NUP210L: variants seen among roughly 807,000 people sequenced by gnomAD.
The protein encoded by NUP210L is nuclear pore membrane glycoprotein 210-like.
In NUP210L, 74 loss-of-function variants were observed where a neutral mutation model predicts 208.5. That is an observed-to-expected ratio of 0.35 (90% CI 0.29 to 0.43). The LOEUF (loss-of-function observed/expected upper bound fraction) is 0.43. Among genes scored for constraint, NUP210L ranks in the 20% least tolerant of loss-of-function variants. The pLI is 1.00. For synonymous variants in NUP210L, 780 were observed against 816.9 expected (o/e 0.95, Z 0.77); for missense variants, 1,843 against 2,289.4 (o/e 0.81, Z 3.98).
intron 16 of NUP210L, among the ~76,000 whole-genome samples, chr1:154,085,255 C>T (rs764474517): frequency 1.1e-4 from 16 of 150,294 alleles, no homozygotes; most frequent in South Asian, 2.1e-4. Context: ...GAGGCTGAGG[C>T]GGGAGAATGG....
intron 32 of NUP210L, among the ~76,000 whole-genome samples, chr1:154,021,806 G>T (rs1200971120): frequency 3.9e-5 from 6 of 152,120 alleles, no homozygotes; most frequent in Non-Finnish European, 8.8e-5. Context: ...CTTCTAATTG[G>T]CTGGCTATTG....
At chr1:154,027,398 A>G (rs770992532) in intron 29 of NUP210L, 108 bp downstream of exon 29, 5 of 748,634 alleles carry the variant, frequency 6.7e-6, no homozygotes, top group Non-Finnish European at 1.1e-5. Flanking sequence ...ACAAAAAATT[A>G]TTTGGGAAAA....
chr1:154,076,524 C>G (rs890172366), intron 16 of NUP210L, among the ~76,000 whole-genome samples: 1 of 151,722 alleles, frequency 6.6e-6, no homozygotes, highest in African/African-American at 2.4e-5. Context: ...GAAGTTATAA[C>G]AAAAAAGAAC....
intron 16 of NUP210L, among the ~76,000 whole-genome samples, chr1:154,074,724 T>C (rs1408326309): frequency 1.3e-5 from 2 of 152,140 alleles, no homozygotes; most frequent in African/African-American, 2.4e-5. Context: ...ATCCTGACCT[T>C]GTGATCTACC....
chr1:154,119,181 A>G (rs1211825999), intron 10 of NUP210L, among the ~76,000 whole-genome samples: 1 of 152,132 alleles, frequency 6.6e-6, no homozygotes, highest in Non-Finnish European at 1.5e-5. Context: ...GGATACTATA[A>G]GCTATTCAGA....
chr1:154,104,350 G>T, intron 12 of NUP210L, 140 bp from the exon 13 acceptor site: 1 of 673,382 alleles, frequency 1.5e-6, no homozygotes, highest in African/African-American at 1.8e-5. Context: ...ATCCATACAA[G>T]AAGTCACCTT....
intron 32 of NUP210L, 78 bp from the exon 33 acceptor site, chr1:154,019,147 G>T: frequency 6.8e-7 from 1 of 1,464,660 alleles, no homozygotes; most frequent in Non-Finnish European, 9.3e-7. Flanking sequence ...CTCCAAATCA[G>T]TAAATTTTTC....
chr1:154,146,336 T>C (rs891972334), intron 2 of NUP210L, among the ~76,000 whole-genome samples: 3 of 152,050 alleles, frequency 2.0e-5, no homozygotes, highest in African/African-American at 7.2e-5. Context: ...TGGGAAGAAG[T>C]TGTTTGTAAG....
intron 25 of NUP210L, among the ~76,000 whole-genome samples, chr1:154,051,251 C>T (rs1304833766): frequency 2.0e-5 from 3 of 152,010 alleles, no homozygotes; most frequent in African/African-American, 7.3e-5. Flanking sequence ...GCTCTGTTGC[C>T]CAGGCTGGAG....
chr1:154,050,602 A>C (rs902527474), intron 25 of NUP210L, among the ~76,000 whole-genome samples: 1 of 152,206 alleles, frequency 6.6e-6, no homozygotes, highest in Non-Finnish European at 1.5e-5. Context: ...CAGATTGTCA[A>C]ATTACATGGA....
intron 24 of NUP210L, 34 bp from the exon 25 acceptor site, chr1:154,054,441 C>T (rs1653697148): frequency 3.1e-6 from 5 of 1,597,442 alleles, no homozygotes; most frequent in African/African-American, 2.7e-5. Context: ...ATGCCTAGAA[C>T]ATGAGGGAGA....
intron 27 of NUP210L, among the ~76,000 whole-genome samples, chr1:154,045,382 T>A (rs2147970040): frequency 6.6e-6 from 1 of 152,278 alleles, no homozygotes; most frequent in East Asian, 1.9e-4. Context: ...AAAATAAAAA[T>A]TGTATATTTA....
intron 32 of NUP210L, among the ~76,000 whole-genome samples, chr1:154,021,264 C>G (rs1175556326): frequency 6.6e-6 from 1 of 152,146 alleles, no homozygotes; most frequent in East Asian, 1.9e-4. Flanking sequence ...TAACTCAGTA[C>G]TTAGGACAGA....
chr1:154,048,668 T>C (rs1218113521), intron 25 of NUP210L, among the ~76,000 whole-genome samples: 3 of 152,178 alleles, frequency 2.0e-5, no homozygotes, highest in East Asian at 1.9e-4. Context: ...AATGCCGCAG[T>C]AGATTTATGC....
intron 23 of NUP210L, 117 bp downstream of exon 23, chr1:154,056,698 G>A: frequency 9.7e-7 from 1 of 1,026,348 alleles, no homozygotes; most frequent in Non-Finnish European, 1.4e-6. Flanking sequence ...TCACATGGTG[G>A]TGTGAGCCAC....
chr1:154,139,687 CA>C (rs879154434), intron 5 of NUP210L, 114 bp downstream of exon 5: 30,975 of 503,446 alleles, frequency 0.062, 7 homozygotes, highest in South Asian at 0.088. Context: ...AACAAACAAA[CA>C]AAAAAAAAAA....
intron 37 of NUP210L, among the ~76,000 whole-genome samples, chr1:153,999,843 T>G (rs1256337384): frequency 6.6e-6 from 1 of 151,520 alleles, no homozygotes; most frequent in Non-Finnish European, 1.5e-5. Context: ...TTTTTTTTTT[T>G]GAGACAGGGT....
At chr1:154,125,903 A>G (rs1187094921) in intron 10 of NUP210L, among the ~76,000 whole-genome samples, 575 of 140,554 alleles carry the variant, frequency 4.1e-3, no homozygotes, top group African/African-American at 6.7e-3. Flanking sequence ...AAGTAGCTGG[A>G]ACTACAGGCG....
At chr1:154,062,069 G>T (rs1239050498) in intron 17 of NUP210L, among the ~76,000 whole-genome samples, 2 of 151,996 alleles carry the variant, frequency 1.3e-5, no homozygotes, top group African/African-American at 4.8e-5. Flanking sequence ...CTCGTGATCT[G>T]CCCGCCTCGG....
Sources: gnomAD v4.1 joint callset for allele counts (sites outside exome capture counted in the v4.1 genomes callset) on GRCh38, gnomAD v4.1.1 for gene constraint, MANE v1.5 for transcripts, NCBI Gene and HGNC (gene_info 2026-07-23, HGNC 2026-07-21) for gene names.